AGFG1: variants seen among roughly 807,000 people sequenced by gnomAD.
AGFG1 encodes arf-GAP domain and FG repeat-containing protein 1.
AGFG1 carries 10 observed loss-of-function variants against 60.6 expected under a neutral mutation model. The ratio of observed to expected loss-of-function variants is 0.16; its 90% CI spans 0.10 to 0.28. The LOEUF (loss-of-function observed/expected upper bound fraction) is 0.28, where lower values mean the gene tolerates loss of function less well. AGFG1 is among the 10% of genes least tolerant of loss of function. AGFG1 has a pLI of 1.00. For synonymous variants in AGFG1, 247 were observed against 242.9 expected (o/e 1.02, Z -0.16); for missense variants, 537 against 676.5 (o/e 0.79, Z 2.29).
At chr2:227,474,111 C>T (rs964870075) in intron 1 of AGFG1, among the ~76,000 whole-genome samples, 13 of 152,138 alleles carry the variant, frequency 8.5e-5, no homozygotes, top group African/African-American at 3.1e-4. Context: ...TACAGAATCA[C>T]AGAGCTAGGT....
chr2:227,536,637 A>G lies in AGFG1; in HGVS notation c.1218A>G (p.Gly406=). ...STSNASSNVF[G]TVPVVASAQT... is the part of the protein sequence containing the mutation. ...TATTTGTTCTCAGCAATGTTTTTGG[A>G]ACAGTGCCAGTGGTTGCTTCTGCAC... is the stretch of plus-strand genomic sequence containing the variant. The change falls in exon 9 of 13, where the codon GGA becomes GGG. Residue 406 remains glycine (G), a synonymous_variant. Transcript: ENST00000310078. The G allele has an allele frequency of 6.2e-7, 1 of 1,613,406 alleles. No homozygotes were observed.
intron 2 of AGFG1, among the ~76,000 whole-genome samples, chr2:227,519,033 C>T (rs1428117771): frequency 6.6e-6 from 1 of 152,136 alleles, no homozygotes; most frequent in East Asian, 1.9e-4. Flanking sequence ...AATTAGCCAC[C>T]TGTGGTGCTG....
chr2:227,518,516 CTTTTTTTTTTT>C (rs1222543055), intron 2 of AGFG1, among the ~76,000 whole-genome samples: 1 of 102,370 alleles, frequency 9.8e-6, no homozygotes, highest in Non-Finnish European at 2.0e-5. Flanking sequence ...GTCTCAGTGT[CTTTTTTTTTTT>C]TTTTTTTTTT....
chr2:227,473,347 A>T (rs561965399), intron 1 of AGFG1, among the ~76,000 whole-genome samples: 2 of 152,240 alleles, frequency 1.3e-5, no homozygotes, highest in East Asian at 3.9e-4. Context: ...GGAAAGTTTT[A>T]ATGGCAATAA....
At chr2:227,525,062 A>G in intron 5 of AGFG1, 147 bp downstream of exon 5, 1 of 901,804 alleles carries the variant, frequency 1.1e-6, no homozygotes, top group Middle Eastern at 2.9e-4. Context: ...ATATGTAACC[A>G]TATAATTGTG....
chr2:227,553,312 A>G (rs981165045), intron 11 of AGFG1, among the ~76,000 whole-genome samples: 8 of 152,176 alleles, frequency 5.3e-5, no homozygotes, highest in Admixed American at 3.9e-4. Context: ...AGCCTGGGCA[A>G]TGTAGTGAAA....
At chr2:227,501,852 C>T (rs1298549720) in intron 2 of AGFG1, among the ~76,000 whole-genome samples, 2 of 151,742 alleles carry the variant, frequency 1.3e-5, no homozygotes, top group Non-Finnish European at 2.9e-5. Context: ...TTTAAAATAA[C>T]CCTCCTTCCT....
At chr2:227,505,249 T>C (rs1394924428) in intron 2 of AGFG1, among the ~76,000 whole-genome samples, 8 of 152,202 alleles carry the variant, frequency 5.3e-5, no homozygotes, top group Non-Finnish European at 1.2e-4. Flanking sequence ...TGTGAAACAC[T>C]TTATTTTTGT....
At chr2:227,551,119 G>C (rs943460029) in intron 10 of AGFG1, among the ~76,000 whole-genome samples, 1 of 152,176 alleles carries the variant, frequency 6.6e-6, no homozygotes, top group African/African-American at 2.4e-5. Context: ...TGTCCACCAA[G>C]TAATACCAGC....
chr2:227,505,156 C>A (rs1052427847), intron 2 of AGFG1, among the ~76,000 whole-genome samples: 5 of 151,892 alleles, frequency 3.3e-5, no homozygotes, highest in Admixed American at 1.3e-4. Flanking sequence ...TATGTAATAT[C>A]TTTTTTATGT....
intron 10 of AGFG1, among the ~76,000 whole-genome samples, chr2:227,549,489 C>G (rs1484013386): frequency 6.6e-6 from 1 of 152,080 alleles, no homozygotes; most frequent in Non-Finnish European, 1.5e-5. Flanking sequence ...TTCTTTTCAG[C>G]CATTGTATTT....
chr2:227,479,038 T>C (rs1433802255), intron 1 of AGFG1, among the ~76,000 whole-genome samples: 1 of 152,196 alleles, frequency 6.6e-6, no homozygotes, highest in East Asian at 1.9e-4. Context: ...TTGATAAGCA[T>C]AAAACTCACT....
Position 227,519,974 on chromosome 2 carries a change from A to G in AGFG1, c.288A>G (p.Leu96=). 6.3e-7 allele frequency: 1 copy of G among 1,587,138 alleles called. No homozygotes were observed. The highest frequency in any genetic ancestry group is 8.5e-7 in the Non-Finnish European group (1 of 1,171,576). Residue 96 remains leucine (L), a synonymous_variant, in exon 3 of 13, where the codon TTA becomes TTG. Transcript: ENST00000310078. ...TCTGTAAACAGATTTGGCTAGGATT[A>G]TTTGATGATAGATCTTCAGCAATTC... ...NEVCKQIWLG[L]FDDRSSAIPD...
At chr2:227,537,666 A>T (rs1392963269) in intron 10 of AGFG1, among the ~76,000 whole-genome samples, 1 of 152,140 alleles carries the variant, frequency 6.6e-6, no homozygotes, top group African/African-American at 2.4e-5. Flanking sequence ...CTTAAACACC[A>T]GAGATATTTG....
At chr2:227,553,000 CAAA>C (rs5839220) in intron 11 of AGFG1, among the ~76,000 whole-genome samples, 38 of 92,412 alleles carry the variant, frequency 4.1e-4, no homozygotes, top group African/African-American at 9.4e-5. Context: ...AATTCCATCT[CAAA>C]AAAAAAAAAA....
Position 227,543,229 on chromosome 2 carries a change from G to A in AGFG1, c.1378+6236G>A, listed in dbSNP as rs558097614. ...GAATATGTTTGCTCTTGCTTCTCTA[G>A]TTCTTTTAATTGTGATGTTAGGGTG... is the stretch of plus-strand genomic sequence containing the variant. On this transcript the variant is annotated intron_variant, in intron 10 of 12. Coordinates refer to ENST00000310078, the MANE Select transcript of AGFG1 (RefSeq NM_004504.5). Among the ~76,000 whole-genome samples the A allele has an allele frequency of 7.2e-5, 11 of 151,806 alleles. No homozygotes were observed. The South Asian group carries it at 8.4e-4, about 12-fold the overall frequency.
At chr2:227,506,488 A>G (rs1691316829) in intron 2 of AGFG1, among the ~76,000 whole-genome samples, 1 of 146,382 alleles carries the variant, frequency 6.8e-6, no homozygotes, top group Non-Finnish European at 1.5e-5. Context: ...TTGTACTTTA[A>G]GCTTTAAGGC....
At chr2:227,523,018 G>A (rs930018591) in intron 3 of AGFG1, among the ~76,000 whole-genome samples, 2 of 152,064 alleles carry the variant, frequency 1.3e-5, no homozygotes, top group African/African-American at 4.8e-5. Flanking sequence ...CCCAGTTTTT[G>A]TGAAATTATA....
intron 2 of AGFG1, among the ~76,000 whole-genome samples, chr2:227,499,980 C>G (rs1211434382): frequency 6.6e-6 from 1 of 152,148 alleles, no homozygotes; most frequent in Non-Finnish European, 1.5e-5. Context: ...TACTCAGTCT[C>G]CTTAAAATTG....
Sources: allele counts gnomAD v4.1 joint callset (sites outside exome capture counted in the v4.1 genomes callset), GRCh38; gene constraint gnomAD v4.1.1; transcripts MANE v1.5; gene names NCBI Gene and HGNC (gene_info 2026-07-23, HGNC 2026-07-21).